Variants in ABCC11 observed in about 807,000 individuals in gnomAD.
ABCC11 encodes ATP binding cassette subfamily C member 11.
Under a neutral mutation model 149.3 loss-of-function variants are expected in ABCC11, and 135 were observed. That is an observed-to-expected ratio of 0.90 (90% confidence interval 0.79 to 1.04). ABCC11 has a LOEUF of 1.04. Ranked by LOEUF, ABCC11 falls within the 50% of genes least tolerant of loss-of-function variation. ABCC11 has a pLI of 0.00. For missense variants in ABCC11, 1,680 were observed against 1,722.1 expected, an observed-to-expected ratio of 0.98 and a Z score of 0.43; for synonymous variants, 665 against 671.4, an observed-to-expected ratio of 0.99 and a Z score of 0.15.
At chr16:48,215,454 G>C in intron 7 of ABCC11, 110 bp from the exon 8 acceptor site, 1 of 1,316,126 alleles carries the variant, frequency 7.6e-7, no homozygotes, top group East Asian at 2.4e-5. Context: ...TTTCCAAAGA[G>C]AGGTTTTCCA....
intron 1 of ABCC11, among the ~76,000 whole-genome samples, chr16:48,240,091 T>C (rs1427772262): frequency 1.3e-5 from 2 of 152,216 alleles, no homozygotes; most frequent in Non-Finnish European, 2.9e-5. Context: ...GTAAATTAGT[T>C]TGACCATTGC....
chr16:48,244,304 C>T (rs1173669563), intron 1 of ABCC11: 3 of 1,019,920 alleles, frequency 2.9e-6, no homozygotes, highest in Non-Finnish European at 4.1e-6. Flanking sequence ...GGAGGCGGGT[C>T]TGAGGTTTGG....
rs200134154 is a variant in ABCC11, at chr16:48,216,209, C to T, written c.856G>A (p.Ala286Thr). The change falls in exon 7 of 30, where the codon GCA (alanine) becomes ACA (threonine). Residue 286 changes from alanine to threonine, a missense_variant. Coordinates refer to ENST00000356608, the MANE Select transcript of ABCC11 (RefSeq NM_001370497.1). ...CYGPLVLITC[A>T]SLVICSISSY... is the part of the protein sequence containing the mutation. ...GAAATGCTGCAGATGACCAGCGATGCGCAGGTGATCAGTACTAGGGGTCCA... is the reference window on the plus strand; with the variant it reads ...GAAATGCTGCAGATGACCAGCGATGTGCAGGTGATCAGTACTAGGGGTCCA... 130 of 1,614,062 alleles carry T rather than the reference C, an allele frequency of 8.1e-5. No individual in the cohort carries two copies. Among genetic ancestry groups the T allele is most frequent in the Middle Eastern group, 3.3e-4 (2 of 6,044 alleles).
intron 24 of ABCC11, 47 bp downstream of exon 24, chr16:48,178,550 C>G (rs201737468): frequency 6.3e-7 from 1 of 1,584,958 alleles, no homozygotes; most frequent in Admixed American, 1.7e-5. Context: ...AGAAGTCATG[C>G]CCCAACTTGC....
chr16:48,244,240 C>G, intron 1 of ABCC11: 1 of 583,802 alleles, frequency 1.7e-6, no homozygotes, highest in Non-Finnish European at 2.9e-6. Flanking sequence ...AGCGCGAAGC[C>G]ATGGCTTTTG....
chr16:48,188,264 C>T (rs981348454), intron 20 of ABCC11, among the ~76,000 whole-genome samples: 3 of 152,204 alleles, frequency 2.0e-5, no homozygotes, highest in Non-Finnish European at 4.4e-5. Flanking sequence ...TCTACCCTAC[C>T]ACTGGCTTGC....
At chr16:48,218,976 G>C (rs1969538945) in intron 6 of ABCC11, among the ~76,000 whole-genome samples, 2 of 152,198 alleles carry the variant, frequency 1.3e-5, no homozygotes, top group East Asian at 3.9e-4. Context: ...AAGCTACAAA[G>C]CAACACAAAG....
At chr16:48,212,211 T>C (rs1455928941) in intron 10 of ABCC11, among the ~76,000 whole-genome samples, 1 of 152,146 alleles carries the variant, frequency 6.6e-6, no homozygotes. Flanking sequence ...CTCAGGGCTT[T>C]CACACTTGCT....
intron 6 of ABCC11, 110 bp from the exon 7 acceptor site, chr16:48,216,397 G>T: frequency 9.1e-7 from 1 of 1,103,156 alleles, no homozygotes. Flanking sequence ...GAAAGGAAGG[G>T]TGGAAGAGTA....
chr16:48,211,783 C>G (rs1444856197), intron 10 of ABCC11, among the ~76,000 whole-genome samples: 1 of 152,162 alleles, frequency 6.6e-6, no homozygotes, highest in Admixed American at 6.5e-5. Context: ...AAAAGGTGAT[C>G]ATCAGCAGGT....
chr16:48,216,296 C>G lies in ABCC11; in HGVS notation c.778-9G>C. 6.2e-7 allele frequency: 1 copy of G among 1,611,510 alleles called. No homozygotes were observed. Among genetic ancestry groups the G allele is most frequent in the Admixed American group, 1.7e-5 (1 of 59,992 alleles). ...GTGAAGAAGCTGATGGCCTGCAAGA[C>G]AGCAAGTTGATGGGCACAGATGTCA... is the stretch of plus-strand genomic sequence containing the variant. On this transcript the variant is annotated splice_polypyrimidine_tract_variant and intron_variant, in intron 6 of 29. Coordinates refer to ENST00000356608, the MANE Select transcript of ABCC11 (RefSeq NM_001370497.1).
chr16:48,200,428 G>A lies in ABCC11; in HGVS notation c.1930C>T (p.Leu644=). The part of the protein sequence containing the change: ...LSGGQKQRIS[L]ARAVYSDRQI... The stretch of plus-strand genomic sequence containing the variant: ...CGGTCGGAATAGACGGCGCGGGCCA[G>A]GCTGATCCTCTGTTTCTGCCCCCCA... The change falls in exon 15 of 30, where the codon CTG becomes TTG. Residue 644 remains leucine (L), a synonymous_variant. Transcript: ENST00000356608. 1 of 1,614,238 alleles carries A rather than the reference G, an allele frequency of 6.2e-7. No homozygotes were observed. The highest frequency in any genetic ancestry group is 8.5e-7 in the Non-Finnish European group (1 of 1,180,042).
chr16:48,216,248 C>T lies in ABCC11; in HGVS notation c.817G>A (p.Glu273Lys), dbSNP rs199839251. 1.2e-5 allele frequency: 19 copies of T among 1,613,828 alleles called. No individual in the cohort carries two copies. Among genetic ancestry groups the T allele is most frequent in the Non-Finnish European group, 1.6e-5 (19 of 1,180,002 alleles). ...FFTGDVNYLF[E>K]GVCYGPLVLI... ...ACTAGGGGTCCATAGCACACCCCTT[C>T]AAACAGGTAGTTTACATCACCGGTG... Residue 273 changes from glutamate (E) to lysine (K), a missense_variant, in exon 7 of 30, where the codon GAA becomes AAA. Physicochemically the swap from Glu to Lys is moderately conservative, Grantham distance 56. Coordinates refer to ENST00000356608, the MANE Select transcript of ABCC11 (RefSeq NM_001370497.1).
intron 23 of ABCC11, among the ~76,000 whole-genome samples, chr16:48,182,766 G>A (rs1274573672): frequency 6.8e-6 from 1 of 146,490 alleles, no homozygotes. Flanking sequence ...CTGGGCAACA[G>A]AGCAAGACTC....
In ABCC11 at chr16:48,205,518, G is replaced by C. The variant is rs202065564; in HGVS notation, c.1700C>G (p.Ser567Trp). The change falls in exon 13 of 30, where the codon TCG (serine) becomes TGG (tryptophan). Residue 567 changes from serine to tryptophan, a missense_variant. Ser to Trp is a radical substitution (Grantham distance 177). Coordinates refer to ENST00000356608, the MANE Select transcript of ABCC11 (RefSeq NM_001370497.1). ...GGCCAGGCTTCCCTGCACCCCCACC[G>C]AGCCCTCGAGCAAGTGCATCTGCGG... Reference protein sequence around the residue: ...ILEEMHLLEGSVGVQGSLAYV... With the variant: ...ILEEMHLLEGWVGVQGSLAYV... 1.2e-6 allele frequency: 2 copies of C among 1,613,776 alleles called. No homozygotes were observed. The highest frequency in any genetic ancestry group is 1.3e-5 in the African/African-American group (1 of 74,898).
chr16:48,176,722 ATCCGTC>A (rs1191812224), intron 25 of ABCC11, among the ~76,000 whole-genome samples, 196 bp downstream of exon 25: 2 of 152,186 alleles, frequency 1.3e-5, no homozygotes, highest in East Asian at 1.9e-4. Flanking sequence ...TCTATTTAAC[ATCCGTC>A]TCCTCCACTG....
intron 5 of ABCC11, among the ~76,000 whole-genome samples, chr16:48,224,006 G>A (rs931966420): frequency 1.3e-5 from 2 of 152,174 alleles, no homozygotes; most frequent in African/African-American, 2.4e-5. Flanking sequence ...GGGAAACCAA[G>A]TCGCAGAGAA....
At chr16:48,208,578 G>T in intron 11 of ABCC11, 82 bp from the exon 12 acceptor site, 3 of 1,483,378 alleles carry the variant, frequency 2.0e-6, no homozygotes, top group Non-Finnish European at 2.8e-6. Flanking sequence ...CAACTGTTTA[G>T]AACCCAAAAC....
At chr16:48,231,406 T>G (rs1158969635) in intron 2 of ABCC11, among the ~76,000 whole-genome samples, 1 of 151,998 alleles carries the variant, frequency 6.6e-6, no homozygotes, top group East Asian at 1.9e-4. Flanking sequence ...TGGCTCATGC[T>G]TGTAATCCCA....
Sources: gnomAD v4.1 joint callset for allele counts (sites outside exome capture counted in the v4.1 genomes callset) on GRCh38, gnomAD v4.1.1 for gene constraint, MANE v1.5 for transcripts, NCBI Gene and HGNC (gene_info 2026-07-23, HGNC 2026-07-21) for gene names.